The following WWOX variants were observed in gnomAD, a reference collection of about 807,000 sequenced individuals.
WWOX encodes the protein WW domain containing oxidoreductase, also known as WW domain-containing oxidoreductase.
Under a neutral mutation model 46.2 loss-of-function variants are expected in WWOX, and 69 were observed. That is an observed-to-expected ratio of 1.49 (90% CI 1.23 to 1.82). The LOEUF is 1.82. WWOX is among the 40% of genes most tolerant of loss of function. The probability of loss-of-function intolerance (pLI) is 0.00; values close to 1 mark genes in which losing one functional copy is unlikely to be tolerated. For synonymous variants in WWOX, 359 were observed against 202.6 expected (o/e 1.77, Z -6.56); for missense variants, 919 against 542.6 (o/e 1.69, Z -6.89).
At chr16:79,201,189 C>T (rs1390217773) in intron 8 of WWOX, among the ~76,000 whole-genome samples, 6 of 152,086 alleles carry the variant, frequency 3.9e-5, no homozygotes, top group African/African-American at 1.4e-4. Context: ...TCCCATATTG[C>T]CACCCCATCT....
chr16:78,695,611 G>A (rs962436062), intron 8 of WWOX, among the ~76,000 whole-genome samples: 3 of 152,120 alleles, frequency 2.0e-5, no homozygotes, highest in South Asian at 2.1e-4. Flanking sequence ...CTGGCAAGTC[G>A]GAGTCTTTGT....
chr16:78,625,480 G>A (rs911951321), intron 8 of WWOX, among the ~76,000 whole-genome samples: 18 of 151,984 alleles, frequency 1.2e-4, no homozygotes, highest in Admixed American at 2.0e-4. Context: ...AACAGACTTC[G>A]TTAGAACATC....
At chr16:78,981,477 A>G (rs2046681249) in intron 8 of WWOX, among the ~76,000 whole-genome samples, 1 of 150,596 alleles carries the variant, frequency 6.6e-6, no homozygotes, top group African/African-American at 2.5e-5. Context: ...TTGCTCTGTC[A>G]TCCAGGCTGG....
chr16:78,558,979 G>C (rs2459108), intron 8 of WWOX, among the ~76,000 whole-genome samples: 74,491 of 152,060 alleles, frequency 0.49, 20,064 homozygotes, highest in African/African-American at 0.73. Context: ...CAGGCTGTCA[G>C]CTCCCTGACT....
chr16:79,095,435 G>C (rs1465020766), intron 8 of WWOX, among the ~76,000 whole-genome samples: 1 of 152,196 alleles, frequency 6.6e-6, no homozygotes, highest in Non-Finnish European at 1.5e-5. Flanking sequence ...CAGGTGGAAG[G>C]TCAGAGAGCC....
chr16:78,834,488 C>T (rs748818966), intron 8 of WWOX, among the ~76,000 whole-genome samples: 9 of 152,078 alleles, frequency 5.9e-5, no homozygotes, highest in Non-Finnish European at 1.2e-4. Context: ...TCCAAAGAAA[C>T]ATAGTAAGTG....
At chr16:79,065,374 A>T (rs996090291) in intron 8 of WWOX, among the ~76,000 whole-genome samples, 1 of 152,152 alleles carries the variant, frequency 6.6e-6, no homozygotes, top group Non-Finnish European at 1.5e-5. Flanking sequence ...TTCTTCCAGG[A>T]TAGTTTAGCA....
chr16:78,510,279 C>T (rs1403300909), intron 8 of WWOX, among the ~76,000 whole-genome samples: 2 of 152,182 alleles, frequency 1.3e-5, no homozygotes, highest in African/African-American at 4.8e-5. Flanking sequence ...GATCTCCACT[C>T]ACCGCAAGCT....
intron 8 of WWOX, among the ~76,000 whole-genome samples, chr16:78,734,149 A>C (rs1282636962): frequency 6.6e-6 from 1 of 152,192 alleles, no homozygotes; most frequent in Non-Finnish European, 1.5e-5. Context: ...GCAAAAGAGT[A>C]GTATTAAATT....
chr16:78,888,275 C>G (rs369737088), intron 8 of WWOX, among the ~76,000 whole-genome samples: 2 of 152,136 alleles, frequency 1.3e-5, no homozygotes, highest in African/African-American at 2.4e-5. Flanking sequence ...ACTTGAGAAC[C>G]CACTTTGGGC....
At chr16:78,197,379 C>G (rs11862120) in intron 5 of WWOX, among the ~76,000 whole-genome samples, 15,854 of 152,234 alleles carry the variant, frequency 0.1, 910 homozygotes, top group Admixed American at 0.12. Flanking sequence ...CACACCACAT[C>G]AAGTATAATG....
chr16:78,837,137 AAG>A (rs1356537307), intron 8 of WWOX, among the ~76,000 whole-genome samples: 1 of 152,154 alleles, frequency 6.6e-6, no homozygotes, highest in Non-Finnish European at 1.5e-5. Flanking sequence ...GAAAAAGAAA[AAG>A]AGCAGGTGGA....
chr16:78,861,853 G>A (rs112746092), intron 8 of WWOX, among the ~76,000 whole-genome samples: 6,040 of 152,230 alleles, frequency 0.04, 153 homozygotes, highest in Non-Finnish European at 0.058. Flanking sequence ...ATGTTTCCAG[G>A]CCTCTAATGT....
At chr16:79,065,860 T>C (rs1425623286) in intron 8 of WWOX, among the ~76,000 whole-genome samples, 1 of 152,232 alleles carries the variant, frequency 6.6e-6, no homozygotes, top group Admixed American at 6.5e-5. Flanking sequence ...TATGCTGTCA[T>C]ATTCCTCTTA....
chr16:78,917,930 G>C (rs1436950031), intron 8 of WWOX, among the ~76,000 whole-genome samples: 1 of 152,128 alleles, frequency 6.6e-6, no homozygotes, highest in Non-Finnish European at 1.5e-5. Flanking sequence ...GGCTGGGCGT[G>C]GTGGCTCACA....
intron 8 of WWOX, chr16:79,110,702 C>T (rs2049400234): frequency 6.6e-6 from 1 of 152,160 alleles, no homozygotes. Flanking sequence ...TGAAGAGCCA[C>T]TTTCAACAAT....
intron 8 of WWOX, among the ~76,000 whole-genome samples, chr16:78,744,189 TAA>T (rs1285752763): frequency 1.3e-5 from 2 of 152,188 alleles, no homozygotes; most frequent in Admixed American, 6.5e-5. Flanking sequence ...GTATTTGAAC[TAA>T]GTTTTGAGAG....
chr16:78,408,913 A>T (rs904833698), intron 6 of WWOX, among the ~76,000 whole-genome samples: 4 of 151,992 alleles, frequency 2.6e-5, no homozygotes, highest in Admixed American at 2.0e-4. Context: ...GTAAGCAGGG[A>T]ACAGAAAGTA....
At chr16:78,688,383 A>AC (rs2047909693) in intron 8 of WWOX, among the ~76,000 whole-genome samples, 1 of 151,636 alleles carries the variant, frequency 6.6e-6, no homozygotes, top group South Asian at 2.1e-4. Flanking sequence ...AAAAAAAAAA[A>AC]AGATCCTGAC....
Sources: allele counts gnomAD v4.1 joint callset (sites outside exome capture counted in the v4.1 genomes callset), GRCh38; gene constraint gnomAD v4.1.1; transcripts MANE v1.5; gene names NCBI Gene and HGNC (gene_info 2026-07-23, HGNC 2026-07-21).